Variants in NXPH1 observed in about 807,000 individuals in gnomAD.
NXPH1 encodes neurexophilin-1.
In NXPH1, 5 loss-of-function variants were observed where a neutral mutation model predicts 23.7. The observed-to-expected ratio is 0.21, with a 90% confidence interval of 0.11 to 0.44. NXPH1 has a LOEUF of 0.44. Among genes scored for constraint, NXPH1 ranks in the 20% least tolerant of loss-of-function variants. NXPH1 has a pLI of 0.99. For synonymous variants in NXPH1, 144 were observed against 122.2 expected, an observed-to-expected ratio of 1.18 and a Z score of -1.18; for missense variants, 324 against 321.6, an observed-to-expected ratio of 1.01 and a Z score of -0.06.
chr7:8,626,200 A>G (rs528615947), intron 2 of NXPH1, among the ~76,000 whole-genome samples: 3 of 152,184 alleles, frequency 2.0e-5, no homozygotes, highest in South Asian at 2.1e-4. Context: ...TGAAAAAAAA[A>G]AGAACATTTT....
chr7:8,743,458 T>G (rs1780404062), intron 2 of NXPH1, among the ~76,000 whole-genome samples: 1 of 152,066 alleles, frequency 6.6e-6, no homozygotes, highest in East Asian at 1.9e-4. Flanking sequence ...GAAGTAAACA[T>G]TTTGTCACGT....
At chr7:8,475,915 C>T (rs1332694804) in intron 2 of NXPH1, among the ~76,000 whole-genome samples, 1 of 152,114 alleles carries the variant, frequency 6.6e-6, no homozygotes, top group East Asian at 1.9e-4. Flanking sequence ...CCAGATAATA[C>T]CCATGTCTGC....
At chr7:8,461,889 T>C (rs1452780941) in intron 2 of NXPH1, among the ~76,000 whole-genome samples, 1 of 149,054 alleles carries the variant, frequency 6.7e-6, no homozygotes, top group Non-Finnish European at 1.5e-5. Context: ...CACCTACATA[T>C]ACTCAAACAC....
intron 2 of NXPH1, among the ~76,000 whole-genome samples, chr7:8,597,937 T>C (rs966182848): frequency 2.0e-5 from 3 of 152,016 alleles, no homozygotes; most frequent in Admixed American, 6.6e-5. Context: ...GTTCTTTTAC[T>C]GCGGAGAGTG....
chr7:8,687,975 A>G (rs1170069354), intron 2 of NXPH1, among the ~76,000 whole-genome samples: 1 of 152,200 alleles, frequency 6.6e-6, no homozygotes, highest in Non-Finnish European at 1.5e-5. Context: ...ATTTTAAATA[A>G]GTAAGGTATG....
In NXPH1 at chr7:8,745,791, T is replaced by A. The variant is rs1490403130; in HGVS notation, c.55-5217T>A. The stretch of plus-strand genomic sequence containing the variant: ...CACCATGTTGGCCAGGATGATCTGA[T>A]CTCTTGACCTCTTTATCCTCCTGCC... On this transcript the variant is annotated intron_variant, in intron 2 of 2. Transcript: ENST00000405863. Among the ~76,000 whole-genome samples the A allele has an allele frequency of 2.0e-5, 3 of 149,460 alleles. No individual in the cohort carries two copies. The East Asian group carries it at 6.0e-4, about 30-fold the overall frequency.
At chr7:8,511,549 A>G (rs1188386706) in intron 2 of NXPH1, among the ~76,000 whole-genome samples, 1 of 152,092 alleles carries the variant, frequency 6.6e-6, no homozygotes, top group African/African-American at 2.4e-5. Context: ...TTCACTCTGT[A>G]AGGAGTGGAG....
At chr7:8,516,311 A>G (rs765442532) in intron 2 of NXPH1, among the ~76,000 whole-genome samples, 22 of 152,048 alleles carry the variant, frequency 1.4e-4, no homozygotes, top group Non-Finnish European at 2.9e-5. Flanking sequence ...TGAATATTTC[A>G]TGTTACTGGC....
intron 2 of NXPH1, among the ~76,000 whole-genome samples, chr7:8,737,019 C>T (rs1000069969): frequency 5.9e-5 from 9 of 151,296 alleles, no homozygotes; most frequent in Non-Finnish European, 8.8e-5. Flanking sequence ...TTTGAGCGTG[C>T]GTGTGTGTTT....
intron 2 of NXPH1, among the ~76,000 whole-genome samples, chr7:8,731,183 C>T (rs2115216691): frequency 6.6e-6 from 1 of 152,168 alleles, no homozygotes; most frequent in African/African-American, 2.4e-5. Flanking sequence ...CCTTGGTTTT[C>T]AGCTCCATCA....
At chr7:8,739,263 G>T (rs920211064) in intron 2 of NXPH1, among the ~76,000 whole-genome samples, 5 of 150,588 alleles carry the variant, frequency 3.3e-5, no homozygotes, top group Admixed American at 6.6e-5. Flanking sequence ...TTGAAACTCA[G>T]GGCCCTGGTG....
chr7:8,701,119 G>A (rs1304211542), intron 2 of NXPH1, among the ~76,000 whole-genome samples: 1 of 151,838 alleles, frequency 6.6e-6, no homozygotes, highest in Non-Finnish European at 1.5e-5. Context: ...TGTATATAAG[G>A]CATATCTCCA....
At chr7:8,460,407 A>C (rs1047818844) in intron 2 of NXPH1, among the ~76,000 whole-genome samples, 2 of 152,088 alleles carry the variant, frequency 1.3e-5, no homozygotes, top group Non-Finnish European at 2.9e-5. Context: ...ATTTTTGTTA[A>C]GAATTAATTT....
Position 8,464,756 on chromosome 7 carries a change from T to G in NXPH1, c.54+28989T>G, listed in dbSNP as rs539478805. ...GAGCAAATGTGTAATGCGTGTAGTG[T>G]TTTTTTTTGTACTTGAATACTATTA... On this transcript the variant is annotated intron_variant, in intron 2 of 2. Transcript: ENST00000405863. Among the ~76,000 whole-genome samples the G allele has an allele frequency of 1.2e-4, 7 of 58,794 alleles. No homozygotes were observed. The South Asian group carries it at 5.2e-3, about 44-fold the overall frequency. The allele number at this position is 58,794 out of a possible 152,430, so 38.6% of individuals were successfully genotyped here.
chr7:8,644,309 T>G lies in NXPH1; in HGVS notation c.55-106699T>G, dbSNP rs542804970. On this transcript the variant is annotated intron_variant, in intron 2 of 2. Coordinates refer to ENST00000405863, the MANE Select transcript of NXPH1 (RefSeq NM_152745.3). ...TGCTGTTTGACTGATGGTATTTTAATTAATTGTACCCATGAATGTCCTGCT... is the reference window on the plus strand; with the variant it reads ...TGCTGTTTGACTGATGGTATTTTAAGTAATTGTACCCATGAATGTCCTGCT... Among the ~76,000 whole-genome samples the G allele has an allele frequency of 2.4e-4, 36 of 152,324 alleles. 1 individual carries two copies. The highest frequency in any genetic ancestry group is 7.9e-4 in the African/African-American group (33 of 41,578).
intron 2 of NXPH1, among the ~76,000 whole-genome samples, chr7:8,706,199 T>A (rs1445079767): frequency 2.0e-5 from 3 of 152,214 alleles, no homozygotes. Context: ...CAGGCCTTGG[T>A]AGCATTGGAA....
intron 2 of NXPH1, among the ~76,000 whole-genome samples, chr7:8,649,093 A>C (rs2115150224): frequency 6.6e-6 from 1 of 151,504 alleles, no homozygotes; most frequent in East Asian, 1.9e-4. Context: ...TATTCCATAT[A>C]TTATATTACT....
At chr7:8,627,935 C>T (rs960527452) in intron 2 of NXPH1, among the ~76,000 whole-genome samples, 3 of 151,880 alleles carry the variant, frequency 2.0e-5, no homozygotes, top group African/African-American at 4.8e-5. Context: ...GGATAAAAGG[C>T]ACTATATGGG....
At chr7:8,517,567 GAGTTTGAAGCAGAC>G (rs1307736319) in intron 2 of NXPH1, among the ~76,000 whole-genome samples, 8 of 152,118 alleles carry the variant, frequency 5.3e-5, no homozygotes, top group Non-Finnish European at 8.8e-5. Flanking sequence ...ATCTGACTCT[GAGTTTGAAGCAGAC>G]AGATACACAA....
Sources: gnomAD v4.1 joint callset for allele counts (sites outside exome capture counted in the v4.1 genomes callset) on GRCh38, gnomAD v4.1.1 for gene constraint, MANE v1.5 for transcripts, NCBI Gene and HGNC (gene_info 2026-07-23, HGNC 2026-07-21) for gene names.